The following SUCNR1 variants were observed in gnomAD, a reference collection of about 807,000 sequenced individuals.
SUCNR1 encodes succinate receptor 1, also known as G-protein coupled receptor 91.
A neutral mutation model predicts 2.4 loss-of-function variants in SUCNR1; 5 were observed. That is an observed-to-expected ratio of 2.07 (90% CI 1.08 to 4.36). The LOEUF is 4.36. Among genes scored for constraint, SUCNR1 ranks in the 30% most tolerant of loss-of-function variants. The probability of loss-of-function intolerance (pLI) is 0.00; values close to 1 mark genes in which losing one functional copy is unlikely to be tolerated. For synonymous variants in SUCNR1, 162 were observed against 143.9 expected, an observed-to-expected ratio of 1.13 and a Z score of -0.90; for missense variants, 373 against 399.2, an observed-to-expected ratio of 0.93 and a Z score of 0.56.
chr3:151,881,268 C>CTGTGCTT lies in SUCNR1; in HGVS notation c.727_733dup (p.Phe245CysfsTer79). ...GTCATCATGGCAGTGGTAATCTTCT[C>CTGTGCTT]TGTGCTTTTTACACCCTATCACGTC... On this transcript the variant is annotated frameshift_variant, in exon 3 of 3. Coordinates refer to ENST00000362032, the MANE Select transcript of SUCNR1 (RefSeq NM_033050.6). LOFTEE classifies it low-confidence loss of function (END_TRUNC). 6.2e-7 allele frequency: 1 copy of CTGTGCTT among 1,614,208 alleles called. No homozygotes were observed. Among genetic ancestry groups the CTGTGCTT allele is most frequent in the African/African-American group, 1.3e-5 (1 of 75,064 alleles).
rs1387086526 is a variant in SUCNR1, at chr3:151,874,111, CACACAT to C, written c.-42+407_-42+412del. ...ACACACACACACACACACACACACACACACATATACATACATATATATATATATATA... is the reference window on the plus strand; with the variant it reads ...ACACACACACACACACACACACACACATACATACATATATATATATATATA... On this transcript the variant is annotated intron_variant, in intron 1 of 2. Coordinates refer to ENST00000362032, the MANE Select transcript of SUCNR1 (RefSeq NM_033050.6). Among the ~76,000 whole-genome samples, 86 of 92,246 alleles carry C rather than the reference CACACAT, an allele frequency of 9.3e-4. 1 individual carries two copies. Among genetic ancestry groups the C allele is most frequent in the African/African-American group, 3.7e-3 (79 of 21,360 alleles). 60.5% of individuals were successfully genotyped at this position (92,246 alleles called of 152,430 possible). A position where few individuals can be genotyped will look rare whatever the true frequency, so the allele number is the denominator to read the frequency against.
chr3:151,874,147 T>TATATA (rs1491511074), intron 1 of SUCNR1, among the ~76,000 whole-genome samples: 7 of 16,044 alleles, frequency 4.4e-4, no homozygotes, highest in South Asian at 2.8e-3. Context: ...TATATATATA[T>TATATA]TTTTTTTTTT....
intron 1 of SUCNR1, 90 bp from the exon 2 acceptor site, chr3:151,879,762 C>T (rs1424122203): frequency 1.9e-6 from 1 of 531,290 alleles, no homozygotes; most frequent in Non-Finnish European, 3.3e-6. Context: ...GAATTTAATA[C>T]AATAAGCAGA....
chr3:151,884,112 G>T lies in SUCNR1; in HGVS notation c.*2564G>T, dbSNP rs1718182739. On this transcript the variant is annotated 3_prime_UTR_variant, in exon 3 of 3. Coordinates refer to ENST00000362032, the MANE Select transcript of SUCNR1 (RefSeq NM_033050.6). ...TTTGAATTTCATTATTTTTATTATAGTTTATTATTGTCTTCATAGCTGAGT... is the reference window on the plus strand; with the variant it reads ...TTTGAATTTCATTATTTTTATTATATTTTATTATTGTCTTCATAGCTGAGT... The T allele has an allele frequency of 6.6e-6, 1 of 152,022 alleles. No individual in the cohort carries two copies. The highest frequency in any genetic ancestry group is 6.5e-5 in the Admixed American group (1 of 15,268). The allele number at this position is 152,022 out of a possible 1,614,324, so 9.4% of individuals were successfully genotyped here.
At chr3:151,880,472 T>G in intron 2 of SUCNR1, 87 bp from the exon 3 acceptor site, 1 of 933,600 alleles carries the variant, frequency 1.1e-6, no homozygotes. Flanking sequence ...ACCATTCAAG[T>G]GTTTTTCATT....
At chr3:151,875,550 TA>T (rs780396217) in intron 1 of SUCNR1, among the ~76,000 whole-genome samples, 25 of 152,148 alleles carry the variant, frequency 1.6e-4, no homozygotes, top group South Asian at 1.0e-3. Context: ...TAAAACATCA[TA>T]AAAAAATCTC....
rs1337596365 is a variant in SUCNR1, at chr3:151,873,648, A to C, written c.-100A>C. 1.3e-5 allele frequency: 2 copies of C among 152,618 alleles called. No individual in the cohort carries two copies. The allele number at this position is 152,618 out of a possible 1,614,324, so 9.5% of individuals were successfully genotyped here. On this transcript the variant is annotated 5_prime_UTR_variant, in exon 1 of 3. Transcript: ENST00000362032. ...GTCCAGTGGCACAACACTGGGTCAG[A>C]AGCTATATCCAGCTGCTGGCAGAGT...
intron 1 of SUCNR1, among the ~76,000 whole-genome samples, chr3:151,875,116 G>C (rs1717885463): frequency 6.6e-6 from 1 of 151,990 alleles, no homozygotes; most frequent in African/African-American, 2.4e-5. Context: ...AACAGTTTTA[G>C]ATATATTTTT....
chr3:151,873,657 C>T lies in SUCNR1; in HGVS notation c.-91C>T, dbSNP rs1717813284. The T allele has an allele frequency of 6.6e-6, 1 of 152,512 alleles. No homozygotes were observed. The highest frequency in any genetic ancestry group is 2.1e-4 in the South Asian group (1 of 4,828). 9.4% of individuals were successfully genotyped at this position (152,512 alleles called of 1,614,324 possible). On this transcript the variant is annotated 5_prime_UTR_variant, in exon 1 of 3. Coordinates refer to ENST00000362032, the MANE Select transcript of SUCNR1 (RefSeq NM_033050.6). Reference sequence around the variant, plus strand: ...CACAACACTGGGTCAGAAGCTATATCCAGCTGCTGGCAGAGTTCCTGTCAA... The same window carrying T: ...CACAACACTGGGTCAGAAGCTATATTCAGCTGCTGGCAGAGTTCCTGTCAA...
chr3:151,874,083 TAC>T (rs139708188), intron 1 of SUCNR1, among the ~76,000 whole-genome samples: 7,740 of 117,386 alleles, frequency 0.066, 451 homozygotes, highest in East Asian at 0.18. Flanking sequence ...ATTTGATACA[TAC>T]ACACACACAC....
At position 151,881,413 on chromosome 3, in the gene SUCNR1, C is replaced by G; in HGVS notation, c.870C>G (p.Ile290Met). The G allele has an allele frequency of 6.2e-7, 1 of 1,614,190 alleles. No individual in the cohort carries two copies. Among genetic ancestry groups the G allele is most frequent in the African/African-American group, 1.3e-5 (1 of 75,056 alleles). The change falls in exon 3 of 3, where the codon ATC becomes ATG. Residue 290 changes from isoleucine (I) to methionine (M), a missense_variant. Coordinates refer to ENST00000362032, the MANE Select transcript of SUCNR1 (RefSeq NM_033050.6). ...TRPLAFLNSV[I>M]NPVFYFLLGD... ...CTTTGGCCTTTCTGAACAGTGTCAT[C>G]AACCCTGTCTTCTATTTTCTTTTGG...
rs1402494538 is a variant in SUCNR1, at chr3:151,881,123, T to C, written c.580T>C (p.Leu194=). 1.2e-6 allele frequency: 2 copies of C among 1,614,150 alleles called. No homozygotes were observed. Among genetic ancestry groups the C allele is most frequent in the Admixed American group, 1.7e-5 (1 of 60,010 alleles). ...CATTTACAGCATGTGTCTAACACTG[T>C]TGGGGTTCCTTATTCCTCTTTTTGT... ...NLIYSMCLTL[L]GFLIPLFVMC... Residue 194 remains leucine (L), a synonymous_variant, in exon 3 of 3, where the codon TTG becomes CTG. Coordinates refer to ENST00000362032, the MANE Select transcript of SUCNR1 (RefSeq NM_033050.6).
intron 2 of SUCNR1, among the ~76,000 whole-genome samples, chr3:151,880,277 CAA>C (rs1718047758): frequency 6.6e-6 from 1 of 152,104 alleles, no homozygotes; most frequent in Non-Finnish European, 1.5e-5. Flanking sequence ...TTATTCTTCC[CAA>C]GAGAGTATAA....
At position 151,883,719 on chromosome 3, in the gene SUCNR1, G is replaced by C. The variant is rs1368466600; in HGVS notation, c.*2171G>C. 2 of 151,678 alleles carry C rather than the reference G, an allele frequency of 1.3e-5. No homozygotes were observed. Among genetic ancestry groups the C allele is most frequent in the African/African-American group, 4.8e-5 (2 of 41,322 alleles). 9.4% of individuals were successfully genotyped at this position (151,678 alleles called of 1,614,324 possible). On this transcript the variant is annotated 3_prime_UTR_variant, in exon 3 of 3. Transcript: ENST00000362032. ...CTTTCTGGGTTTGTGGTTTCTAAAG[G>C]AAATAATATTGAGCTTTTGTATTTT... is the stretch of plus-strand genomic sequence containing the variant.
rs776087050 is a variant in SUCNR1 at position 151,881,056 on chromosome 3, C to A, written c.513C>A (p.Thr171=). ...INPVITDNGT[T]CNDFASSGDP... is the part of the protein sequence containing the mutation. ...CTGTTATAACTGACAATGGCACCAC[C>A]TGTAATGATTTTGCAAGTTCTGGAG... The change falls in exon 3 of 3, where the codon ACC becomes ACA. Residue 171 remains threonine (T), a synonymous_variant. Coordinates refer to ENST00000362032, the MANE Select transcript of SUCNR1 (RefSeq NM_033050.6). The A allele has an allele frequency of 1.2e-6, 2 of 1,614,184 alleles. No individual in the cohort carries two copies. Among genetic ancestry groups the A allele is most frequent in the South Asian group, 1.1e-5 (1 of 91,084 alleles).
In SUCNR1 at chr3:151,881,421, T is replaced by A. The variant is rs1559858308; in HGVS notation, c.878T>A (p.Val293Asp). ...LAFLNSVINP[V>D]FYFLLGDHFR... ...TTTCTGAACAGTGTCATCAACCCTGTCTTCTATTTTCTTTTGGGAGATCAC... is the reference window on the plus strand; with the variant it reads ...TTTCTGAACAGTGTCATCAACCCTGACTTCTATTTTCTTTTGGGAGATCAC... The change falls in exon 3 of 3, where the codon GTC becomes GAC. Residue 293 changes from valine to aspartate, a missense_variant. Physicochemically the swap from Val to Asp is radical, Grantham distance 152 (BLOSUM62 -3). This residue lies in a region of SUCNR1 where 157 missense variants were observed against 178.7 expected (regional missense o/e 0.88). Coordinates refer to ENST00000362032, the MANE Select transcript of SUCNR1 (RefSeq NM_033050.6). 1 of 1,614,196 alleles carries A rather than the reference T, an allele frequency of 6.2e-7. No homozygotes were observed.
In SUCNR1 at chr3:151,880,768, C is replaced by G. The variant is rs972007725; in HGVS notation, c.225C>G (p.Thr75=). 63 of 1,613,816 alleles carry G rather than the reference C, an allele frequency of 3.9e-5. No homozygotes were observed. The highest frequency in any genetic ancestry group is 6.7e-5 in the African/African-American group (5 of 74,836). The change falls in exon 3 of 3, where the codon ACC becomes ACG. Residue 75 remains threonine, a synonymous_variant. Coordinates refer to ENST00000362032, the MANE Select transcript of SUCNR1 (RefSeq NM_033050.6). Reference sequence around the variant, plus strand: ...TCTCTGACTTAGCTTTTCTGTGCACCCTCCCCATGCTGATAAGGAGTTATG... The same window carrying G: ...TCTCTGACTTAGCTTTTCTGTGCACGCTCCCCATGCTGATAAGGAGTTATG... The part of the protein sequence containing the change: ...LSVSDLAFLC[T]LPMLIRSYAN...
At position 151,881,180 on chromosome 3, in the gene SUCNR1, T is replaced by C; in HGVS notation, c.637T>C (p.Phe213Leu). 1 of 1,614,206 alleles carries C rather than the reference T, an allele frequency of 6.2e-7. No individual in the cohort carries two copies. Among genetic ancestry groups the C allele is most frequent in the Non-Finnish European group, 8.5e-7 (1 of 1,180,034 alleles). Residue 213 changes from phenylalanine (F) to leucine (L), a missense_variant, in exon 3 of 3, where the codon TTC (phenylalanine) becomes CTC (leucine). This residue lies in a region of SUCNR1 where 157 missense variants were observed against 178.7 expected (regional missense o/e 0.88). Coordinates refer to ENST00000362032, the MANE Select transcript of SUCNR1 (RefSeq NM_033050.6). ...TTTCTTTTATTACAAGATTGCTCTC[T>C]TCCTAAAGCAGAGGAATAGGCAGGT... is the stretch of plus-strand genomic sequence containing the variant. ...MCFFYYKIAL[F>L]LKQRNRQVAT...
In SUCNR1 at chr3:151,882,824, T is replaced by G. The variant is rs1001784682; in HGVS notation, c.*1276T>G. On this transcript the variant is annotated 3_prime_UTR_variant, in exon 3 of 3. Transcript: ENST00000362032. ...GGGAAAAAATGGGTGCTGCATTAGC[T>G]TTTTAAAGTCAAACAACTATCACAT... The G allele has an allele frequency of 6.6e-6, 1 of 152,150 alleles. No individual in the cohort carries two copies. Among genetic ancestry groups the G allele is most frequent in the Admixed American group, 6.5e-5 (1 of 15,274 alleles). The allele number at this position is 152,150 out of a possible 1,614,324, so 9.4% of individuals were successfully genotyped here. A position where few individuals can be genotyped will look rare whatever the true frequency, so the allele number is the denominator to read the frequency against.
Sources: allele counts gnomAD v4.1 joint callset (sites outside exome capture counted in the v4.1 genomes callset), GRCh38; gene constraint gnomAD v4.1.1; regional missense constraint gnomAD v4.1.1; transcripts MANE v1.5; gene names NCBI Gene and HGNC (gene_info 2026-07-23, HGNC 2026-07-21).